Variants in IQSEC1 observed in about 807,000 individuals in gnomAD.
IQSEC1 encodes the protein IQ motif and SEC7 domain-containing protein 1.
A neutral mutation model predicts 91.0 loss-of-function variants in IQSEC1; 31 were observed. The ratio of observed to expected loss-of-function variants is 0.34; its 90% CI spans 0.26 to 0.46. The LOEUF is 0.46. Ranked by LOEUF, IQSEC1 falls within the 20% of genes least tolerant of loss-of-function variation. The probability of loss-of-function intolerance (pLI) is 1.00; values close to 1 mark genes in which losing one functional copy is unlikely to be tolerated. For missense variants in IQSEC1, 1,388 were observed against 1,575.6 expected (o/e 0.88, Z 2.02); for synonymous variants, 699 against 662.6 (o/e 1.05, Z -0.84).
At chr3:12,941,895 T>C (rs749383513) in intron 1 of IQSEC1, 30 bp from the exon 2 acceptor site, 11 of 1,542,770 alleles carry the variant, frequency 7.1e-6, no homozygotes, top group Non-Finnish European at 9.6e-6. Flanking sequence ...GAGAAGCTTC[T>C]GGTAAGCGGG....
chr3:13,183,595 T>G (rs940045772), intron 1 of IQSEC1, among the ~76,000 whole-genome samples: 28 of 151,970 alleles, frequency 1.8e-4, no homozygotes, highest in African/African-American at 6.5e-4. Flanking sequence ...TGAAAAACCA[T>G]ATGAAAAATC....
chr3:13,112,979 C>T (rs918898907), intron 2 of IQSEC1, among the ~76,000 whole-genome samples: 5 of 152,366 alleles, frequency 3.3e-5, no homozygotes, highest in East Asian at 1.9e-4. Context: ...AAGCGGCTGG[C>T]GCATCATAAA....
intron 12 of IQSEC1, among the ~76,000 whole-genome samples, chr3:12,906,689 C>T (rs950497390): frequency 5.3e-5 from 8 of 152,222 alleles, no homozygotes; most frequent in African/African-American, 1.7e-4. Flanking sequence ...AACCTGGGGC[C>T]GGCACGTGGC....
At chr3:13,260,746 C>T (rs1218813544) in intron 1 of IQSEC1, among the ~76,000 whole-genome samples, 1 of 149,924 alleles carries the variant, frequency 6.7e-6, no homozygotes, top group Non-Finnish European at 1.5e-5. Flanking sequence ...GCTCCACAGT[C>T]CTCCTGGCAG....
chr3:13,041,859 C>T (rs761762917), intron 1 of IQSEC1, among the ~76,000 whole-genome samples: 34 of 152,306 alleles, frequency 2.2e-4, no homozygotes, highest in Non-Finnish European at 4.0e-4. Flanking sequence ...GACCAGGGGA[C>T]CCCCAACTCT....
In IQSEC1 at chr3:12,899,511, C is replaced by G; in HGVS notation, c.*1472G>C. The G allele has an allele frequency of 6.4e-7, 1 of 1,552,374 alleles. No individual in the cohort carries two copies. The highest frequency in any genetic ancestry group is 8.7e-7 in the Non-Finnish European group (1 of 1,144,814). ...TCTGGCCCTGGGGAGCGCATGGTGT[C>G]ACCACAACACAGAAGCGACAAGAGC... On this transcript the variant is annotated 3_prime_UTR_variant, in exon 14 of 14. Coordinates refer to ENST00000613206, the MANE Select transcript of IQSEC1 (RefSeq NM_001134382.3).
intron 1 of IQSEC1, among the ~76,000 whole-genome samples, chr3:13,229,839 A>C (rs1694815227): frequency 6.6e-6 from 1 of 152,190 alleles, no homozygotes; most frequent in African/African-American, 2.4e-5. Context: ...TAGCTGTGTG[A>C]ACTTGGGCAA....
At chr3:13,081,976 G>C (rs1231731387) in intron 2 of IQSEC1, among the ~76,000 whole-genome samples, 2 of 152,232 alleles carry the variant, frequency 1.3e-5, no homozygotes, top group Admixed American at 6.5e-5. Flanking sequence ...CGGTAGAGTG[G>C]GGTGAATGAG....
intron 1 of IQSEC1, among the ~76,000 whole-genome samples, chr3:13,201,426 G>T (rs1030912813): frequency 3.3e-5 from 5 of 152,192 alleles, no homozygotes; most frequent in African/African-American, 1.2e-4. Context: ...GAACTCCTGG[G>T]CTCCAGTGAT....
chr3:12,990,644 G>T (rs537029557), intron 1 of IQSEC1, among the ~76,000 whole-genome samples: 73 of 152,302 alleles, frequency 4.8e-4, no homozygotes, highest in African/African-American at 1.6e-3. Flanking sequence ...TGAGTCTGAA[G>T]CCCTTCCCAG....
intron 1 of IQSEC1, among the ~76,000 whole-genome samples, chr3:13,067,848 G>T (rs942234991): frequency 6.6e-6 from 1 of 152,240 alleles, no homozygotes; most frequent in African/African-American, 2.4e-5. Flanking sequence ...TATTCTTAAA[G>T]ACCAAGTGAG....
At chr3:13,134,811 T>C (rs1706680603) in intron 2 of IQSEC1, among the ~76,000 whole-genome samples, 1 of 152,136 alleles carries the variant, frequency 6.6e-6, no homozygotes, top group Non-Finnish European at 1.5e-5. Flanking sequence ...GAGACCTCCC[T>C]GAAGCAGTCA....
chr3:12,923,617 C>T (rs1326698392), intron 4 of IQSEC1, among the ~76,000 whole-genome samples: 1 of 151,864 alleles, frequency 6.6e-6, no homozygotes, highest in African/African-American at 2.4e-5. Flanking sequence ...CCAGGCCAGC[C>T]CCTCCCACTC....
intron 1 of IQSEC1, among the ~76,000 whole-genome samples, chr3:12,974,973 G>A (rs1701092944): frequency 6.6e-6 from 1 of 152,232 alleles, no homozygotes; most frequent in Non-Finnish European, 1.5e-5. Context: ...CCTGTGGGCA[G>A]CAGGCCCAGC....
chr3:13,268,250 T>C (rs1025672807), intron 1 of IQSEC1, among the ~76,000 whole-genome samples: 3 of 152,244 alleles, frequency 2.0e-5, no homozygotes, highest in Non-Finnish European at 4.4e-5. Flanking sequence ...ACCAGGTCCA[T>C]GTCTGGTCCT....
In IQSEC1 at chr3:13,027,973, C is replaced by T. The variant is rs549853892; in HGVS notation, c.23+45019G>A. Among the ~76,000 whole-genome samples, 4 of 152,354 alleles carry T rather than the reference C, an allele frequency of 2.6e-5. No individual in the cohort carries two copies. The East Asian group carries it at 5.8e-4, about 22-fold the overall frequency. ...AATACATCTGTGAGTGTCTAGCCCA[C>T]AGGATACCTCTTGTATCCTCCGCTC... On this transcript the variant is annotated intron_variant, in intron 1 of 13. Coordinates refer to ENST00000613206, the MANE Select transcript of IQSEC1 (RefSeq NM_001134382.3).
In IQSEC1 at chr3:12,898,326, CT is replaced by C. The variant is rs1328230258; in HGVS notation, c.*2656del. ...AACCCAACAATGTATCTTCCACAAACTTTTGATAAGCTTGCAAATAAAACAG... is the reference window on the plus strand; with the variant it reads ...AACCCAACAATGTATCTTCCACAAACTTTGATAAGCTTGCAAATAAAACAG... On this transcript the variant is annotated 3_prime_UTR_variant, in exon 14 of 14. Coordinates refer to ENST00000613206, the MANE Select transcript of IQSEC1 (RefSeq NM_001134382.3). 2.6e-5 allele frequency: 4 copies of C among 152,286 alleles called. No individual in the cohort carries two copies. The highest frequency in any genetic ancestry group is 5.9e-5 in the Non-Finnish European group (4 of 68,054). 9.4% of individuals were successfully genotyped at this position (152,286 alleles called of 1,614,324 possible). A position where few individuals can be genotyped will look rare whatever the true frequency, so the allele number is the denominator to read the frequency against.
chr3:12,908,214 G>T lies in IQSEC1; in HGVS notation c.2755+135C>A. On this transcript the variant is annotated intron_variant, in intron 12 of 13. Transcript: ENST00000613206. This position sits in a 1 kb window ranked among gnomAD's most constrained non-coding sequence, Gnocchi z 4.9. The stretch of plus-strand genomic sequence containing the variant: ...TGTATGTCACACGCTGCTCTGCTTT[G>T]CGGAAGGTCAGGGGAAATGCCGCAC... 1 of 866,086 alleles carries T rather than the reference G, an allele frequency of 1.2e-6. No individual in the cohort carries two copies. Among genetic ancestry groups the T allele is most frequent in the Non-Finnish European group, 1.7e-6 (1 of 571,698 alleles). 53.7% of individuals were successfully genotyped at this position (866,086 alleles called of 1,614,324 possible).
intron 2 of IQSEC1, among the ~76,000 whole-genome samples, chr3:13,124,586 T>G (rs920247640): frequency 1.3e-5 from 2 of 152,286 alleles, no homozygotes; most frequent in Non-Finnish European, 1.5e-5. Flanking sequence ...CCACACACAC[T>G]GGATTGCAAA....
Sources: allele counts gnomAD v4.1 joint callset (sites outside exome capture counted in the v4.1 genomes callset), GRCh38; gene constraint gnomAD v4.1.1; non-coding constraint Gnocchi (gnomAD v3.1); transcripts MANE v1.5; gene names NCBI Gene and HGNC (gene_info 2026-07-23, HGNC 2026-07-21).